Variants in CRACR2A observed in about 807,000 individuals in gnomAD.
The protein encoded by CRACR2A is EF-hand calcium-binding domain-containing protein 4B.
A neutral mutation model predicts 90.5 loss-of-function variants in CRACR2A; 79 were observed. That is an observed-to-expected ratio of 0.87 (90% CI 0.73 to 1.05). CRACR2A has a LOEUF of 1.05. CRACR2A is among the 50% of genes least tolerant of loss of function. The pLI is 0.00. For missense variants in CRACR2A, 823 were observed against 897.2 expected (o/e 0.92, Z 1.06); for synonymous variants, 338 against 356.7 (o/e 0.95, Z 0.59).
intron 4 of CRACR2A, among the ~76,000 whole-genome samples, chr12:3,696,390 G>A (rs993324459): frequency 4.6e-5 from 7 of 152,194 alleles, no homozygotes; most frequent in African/African-American, 1.7e-4. Flanking sequence ...TTGTGGGAGA[G>A]GCTGTACCTA....
At chr12:3,724,929 C>T (rs1440480817) in intron 2 of CRACR2A, among the ~76,000 whole-genome samples, 1 of 152,126 alleles carries the variant, frequency 6.6e-6, no homozygotes, top group Non-Finnish European at 1.5e-5. Flanking sequence ...GCAGCAAGCA[C>T]TATTTTCCAA....
At position 3,713,335 on chromosome 12, in the gene CRACR2A, G is replaced by A. The variant is rs978792758; in HGVS notation, c.-117-18C>T. On this transcript the variant is annotated intron_variant, in intron 2 of 19. Transcript: ENST00000440314. ...AATTCCACCTAGGAAACACACAAGA[G>A]ATGAATCACACCTTATTTTCCACTG... The A allele has an allele frequency of 1.0e-6, 1 of 981,956 alleles. No individual in the cohort carries two copies. The highest frequency in any genetic ancestry group is 6.1e-5 in the Admixed American group (1 of 16,268). 60.8% of individuals were successfully genotyped at this position (981,956 alleles called of 1,614,324 possible). A position where few individuals can be genotyped will look rare whatever the true frequency, so the allele number is the denominator to read the frequency against.
At chr12:3,727,838 T>C in intron 2 of CRACR2A, 1 of 152,062 alleles carries the variant, frequency 6.6e-6, no homozygotes, top group Non-Finnish European at 1.5e-5. Flanking sequence ...CATTATGCAA[T>C]ATCTCCATGT....
At chr12:3,645,808 A>G (rs10744623) in intron 11 of CRACR2A, among the ~76,000 whole-genome samples, 113,534 of 152,126 alleles carry the variant, frequency 0.75, 43,063 homozygotes, top group East Asian at 0.96. Context: ...GAAATGGCAA[A>G]GCAAGTAGCT....
At chr12:3,681,491 T>C (rs1394733419) in intron 4 of CRACR2A, among the ~76,000 whole-genome samples, 1 of 152,240 alleles carries the variant, frequency 6.6e-6, no homozygotes, top group Non-Finnish European at 1.5e-5. Flanking sequence ...CGATGTGCAA[T>C]GGCCCCAAGC....
rs1418637674 is a variant in CRACR2A, at chr12:3,747,397, C to T, written c.-387+5618G>A. Among the ~76,000 whole-genome samples, 15 of 152,200 alleles carry T rather than the reference C, an allele frequency of 9.9e-5. No individual in the cohort carries two copies. In the East Asian group the frequency reaches 2.9e-3, roughly 29 times the overall value. Reference sequence around the variant, plus strand: ...AGTGGAAAGAGAGTCCCTGGAGTTCCGTCTTTGGTCAAGGTGGGGCTGCAG... The same window carrying T: ...AGTGGAAAGAGAGTCCCTGGAGTTCTGTCTTTGGTCAAGGTGGGGCTGCAG... On this transcript the variant is annotated intron_variant, in intron 1 of 19. Transcript: ENST00000440314.
At position 3,679,019 on chromosome 12, in the gene CRACR2A, C is replaced by T. The variant is rs748557600; in HGVS notation, c.420G>A (p.Val140=). ...EQVAQRHEEK[V]YLSRGDEDLG... is the part of the protein sequence containing the mutation. ...GATCCTCATCCCCTCTGGACAGATA[C>T]ACCTTCTCTTCATGGCGCTGGGCCA... The change falls in exon 6 of 20, where the codon GTG becomes GTA. Residue 140 remains valine (V), a synonymous_variant. Coordinates refer to ENST00000440314, the MANE Select transcript of CRACR2A (RefSeq NM_001144958.2). 2 of 1,614,144 alleles carry T rather than the reference C, an allele frequency of 1.2e-6. No homozygotes were observed. Among genetic ancestry groups the T allele is most frequent in the Non-Finnish European group, 1.7e-6 (2 of 1,180,010 alleles).
chr12:3,696,826 G>C lies in CRACR2A; in HGVS notation c.174C>G (p.Phe58Leu). Residue 58 changes from phenylalanine (F) to leucine (L), a missense_variant, in exon 4 of 20, where the codon TTC becomes TTG. Phe to Leu is a conservative substitution (Grantham distance 22). Coordinates refer to ENST00000440314, the MANE Select transcript of CRACR2A (RefSeq NM_001144958.2). ...QLVMLRKAQE[F>L]FQTCDAEGKG... is the part of the protein sequence containing the mutation. ...TGCCTTCAGCATCACAGGTCTGAAA[G>C]AACTCCTGTGCCTTCCTCAGCATGA... 3 of 1,614,208 alleles carry C rather than the reference G, an allele frequency of 1.9e-6. No homozygotes were observed. Among genetic ancestry groups the C allele is most frequent in the African/African-American group, 1.3e-5 (1 of 75,052 alleles).
At chr12:3,670,271 AT>A (rs1377234618) in intron 7 of CRACR2A, among the ~76,000 whole-genome samples, 1 of 152,150 alleles carries the variant, frequency 6.6e-6, no homozygotes, top group Non-Finnish European at 1.5e-5. Flanking sequence ...TTGAAATGTC[AT>A]CCACTGTAAT....
At chr12:3,673,315 G>T in intron 7 of CRACR2A, 131 bp downstream of exon 7, 1 of 1,101,904 alleles carries the variant, frequency 9.1e-7, no homozygotes. Flanking sequence ...CACAGGGCCT[G>T]GTCCCCACTT....
At position 3,678,912 on chromosome 12, in the gene CRACR2A, T is replaced by TA; in HGVS notation, c.524+2dup. 9.4e-6 allele frequency: 15 copies of TA among 1,600,214 alleles called. No individual in the cohort carries two copies. The highest frequency in any genetic ancestry group is 1.2e-5 in the Non-Finnish European group (14 of 1,174,228). The stretch of plus-strand genomic sequence containing the variant: ...CGTTCTACAAATCACTGTCACCACT[T>TA]ACTCTTCCAACACCTTTTGGGCTCC... On this transcript the variant is annotated splice_region_variant and intron_variant, in intron 6 of 19. Transcript: ENST00000440314.
chr12:3,665,207 G>T (rs932576592), intron 7 of CRACR2A, among the ~76,000 whole-genome samples: 1 of 152,244 alleles, frequency 6.6e-6, no homozygotes, highest in African/African-American at 2.4e-5. Context: ...GAGGACCAGA[G>T]TTAGCAACAG....
intron 6 of CRACR2A, among the ~76,000 whole-genome samples, chr12:3,678,090 T>G (rs1190320052): frequency 7.2e-5 from 11 of 152,064 alleles, no homozygotes; most frequent in Admixed American, 7.2e-4. Flanking sequence ...ACCCAAGACC[T>G]AAGGACCCCA....
At chr12:3,628,070 T>TCTCCCTCTCTCCTTCC (rs544044406) in intron 15 of CRACR2A, among the ~76,000 whole-genome samples, 7 of 116,680 alleles carry the variant, frequency 6.0e-5, no homozygotes, top group East Asian at 6.0e-4. Flanking sequence ...TCCCTCCCTC[T>TCTCCCTCTCTCCTTCC]CTCCCTCTCT....
In CRACR2A at chr12:3,713,257, G is replaced by C; in HGVS notation, c.-57C>G. On this transcript the variant is annotated 5_prime_UTR_variant, in exon 3 of 20. Coordinates refer to ENST00000440314, the MANE Select transcript of CRACR2A (RefSeq NM_001144958.2). ...CTCACCTTGCAGCTCCCGGCTCCTC[G>C]GAGGACCTGCAACTCTTCACACCTG... is the stretch of plus-strand genomic sequence containing the variant. The C allele has an allele frequency of 1.0e-6, 1 of 985,262 alleles. No homozygotes were observed. Among genetic ancestry groups the C allele is most frequent in the Non-Finnish European group, 1.2e-6 (1 of 829,928 alleles). 61.0% of individuals were successfully genotyped at this position (985,262 alleles called of 1,614,324 possible). A position where few individuals can be genotyped will look rare whatever the true frequency, so the allele number is the denominator to read the frequency against.
intron 2 of CRACR2A, among the ~76,000 whole-genome samples, chr12:3,714,351 C>T (rs1490095235): frequency 1.3e-5 from 2 of 152,200 alleles, no homozygotes; most frequent in Non-Finnish European, 2.9e-5. Context: ...ATGAAAAGTG[C>T]TGGAGCAAGA....
rs140408024 is a variant in CRACR2A at position 3,711,285 on chromosome 12, C to T, written c.-37+1952G>A. Among the ~76,000 whole-genome samples, 2 of 152,342 alleles carry T rather than the reference C, an allele frequency of 1.3e-5. No individual in the cohort carries two copies. Among genetic ancestry groups the T allele is most frequent in the African/African-American group, 4.8e-5 (2 of 41,582 alleles). ...AGAATGTTCCAAGTCTTTAAGTTCT[C>T]TGCCTTTGACTCGCAATTTCATCTT... On this transcript the variant is annotated intron_variant, in intron 3 of 19. Transcript: ENST00000440314. The surrounding 1 kb of genome is among the most constrained non-coding windows in gnomAD (Gnocchi z 4.3).
chr12:3,629,461 C>T (rs550167044), intron 15 of CRACR2A, among the ~76,000 whole-genome samples: 1 of 152,330 alleles, frequency 6.6e-6, no homozygotes, highest in African/African-American at 2.4e-5. Context: ...GAAGGGGCTG[C>T]CTGCTTTCTG....
rs1283299848 is a variant in CRACR2A, at chr12:3,677,253, T to TA, written c.524+1661_524+1662insT. ...AAGAGCCCTCAAATATTCATAGCCT[T>TA]TTCTATTTCCCTATCTGAGGTCTCA... On this transcript the variant is annotated intron_variant, in intron 6 of 19. Coordinates refer to ENST00000440314, the MANE Select transcript of CRACR2A (RefSeq NM_001144958.2). Among the ~76,000 whole-genome samples the TA allele has an allele frequency of 2.0e-5, 3 of 152,192 alleles. No homozygotes were observed. The East Asian group carries it at 5.8e-4, about 29-fold the overall frequency.
Sources: allele counts gnomAD v4.1 joint callset (sites outside exome capture counted in the v4.1 genomes callset), GRCh38; gene constraint gnomAD v4.1.1; non-coding constraint Gnocchi (gnomAD v3.1); transcripts MANE v1.5; gene names NCBI Gene and HGNC (gene_info 2026-07-23, HGNC 2026-07-21).